Variants in AK5 observed in about 807,000 individuals in gnomAD.
AK5 encodes adenylate kinase isoenzyme 5.
Under a neutral mutation model 69.5 loss-of-function variants are expected in AK5, and 27 were observed. The ratio of observed to expected loss-of-function variants is 0.39; its 90% confidence interval spans 0.29 to 0.54. The LOEUF (loss-of-function observed/expected upper bound fraction) is 0.54. AK5 is among the 20% of genes least tolerant of loss of function. AK5 has a pLI of 0.71. For synonymous variants in AK5, 260 were observed against 244.4 expected (o/e 1.06, Z -0.60); for missense variants, 531 against 700.4 (o/e 0.76, Z 2.73).
chr1:77,506,195 T>C (rs1657012334), intron 10 of AK5, among the ~76,000 whole-genome samples: 1 of 151,166 alleles, frequency 6.6e-6, no homozygotes, highest in South Asian at 2.1e-4. Context: ...GACCTCTGGG[T>C]GAAGAAACAA....
chr1:77,307,785 G>A (rs565343056), intron 5 of AK5, among the ~76,000 whole-genome samples: 1 of 152,296 alleles, frequency 6.6e-6, no homozygotes, highest in South Asian at 2.1e-4. Flanking sequence ...CCACTTCCAG[G>A]GATGAGGGAG....
chr1:77,391,614 C>T (rs1342306687), intron 6 of AK5, among the ~76,000 whole-genome samples: 1 of 147,974 alleles, frequency 6.8e-6, no homozygotes, highest in Non-Finnish European at 1.5e-5. Flanking sequence ...ATAGGTGCTA[C>T]AAAAAAAAGA....
At chr1:77,368,241 A>T (rs1488684690) in intron 6 of AK5, among the ~76,000 whole-genome samples, 9 of 23,280 alleles carry the variant, frequency 3.9e-4, no homozygotes, top group African/African-American at 7.3e-4. Context: ...ATATATATAT[A>T]TATATATATA....
At chr1:77,534,344 G>C (rs1237995315) in intron 12 of AK5, among the ~76,000 whole-genome samples, 1 of 152,164 alleles carries the variant, frequency 6.6e-6, no homozygotes, top group Non-Finnish European at 1.5e-5. Context: ...GAGATGGGGA[G>C]ACTCATAACA....
intron 10 of AK5, among the ~76,000 whole-genome samples, chr1:77,499,869 C>CTT (rs749712310): frequency 0.019 from 1,475 of 78,760 alleles, 262 homozygotes; most frequent in Non-Finnish European, 0.02. Flanking sequence ...GCCCTTTTTC[C>CTT]ATTTTTTTTT....
chr1:77,491,274 T>A (rs917296367), intron 10 of AK5, among the ~76,000 whole-genome samples: 2 of 151,258 alleles, frequency 1.3e-5, no homozygotes, highest in Non-Finnish European at 2.9e-5. Context: ...CATTTCATTA[T>A]TGCCTTATTA....
intron 6 of AK5, chr1:77,349,291 A>T (rs1662074173): frequency 6.6e-6 from 1 of 151,428 alleles, no homozygotes; most frequent in African/African-American, 2.4e-5. Context: ...AATAAACATT[A>T]AAAAAAACTA....
chr1:77,316,173 G>A (rs1392106152), intron 5 of AK5, among the ~76,000 whole-genome samples: 1 of 152,072 alleles, frequency 6.6e-6, no homozygotes. Context: ...CATTCCTTCT[G>A]GCTTCTTGAG....
intron 6 of AK5, among the ~76,000 whole-genome samples, chr1:77,404,107 A>G (rs1016337143): frequency 2.0e-5 from 3 of 152,090 alleles, no homozygotes; most frequent in Non-Finnish European, 2.9e-5. Context: ...TTTGTCTGTT[A>G]TTGGTGTATA....
intron 10 of AK5, among the ~76,000 whole-genome samples, chr1:77,497,827 C>T (rs927898103): frequency 6.6e-6 from 1 of 152,182 alleles, no homozygotes; most frequent in Admixed American, 6.5e-5. Flanking sequence ...AGCCATCCAC[C>T]TGCCTTGGCC....
At chr1:77,557,078 C>T (rs571685853) in intron 13 of AK5, among the ~76,000 whole-genome samples, 2 of 152,158 alleles carry the variant, frequency 1.3e-5, no homozygotes, top group Admixed American at 6.5e-5. Flanking sequence ...CCCACATATA[C>T]ACCCTTAATC....
At chr1:77,444,160 TCTCA>T (rs149771882) in intron 8 of AK5, among the ~76,000 whole-genome samples, 61 of 137,790 alleles carry the variant, frequency 4.4e-4, no homozygotes, top group African/African-American at 1.1e-3. Context: ...TCTCTCTCTC[TCTCA>T]CTCTCTCTCT....
rs781195510 is a variant in AK5 at position 77,297,734 on chromosome 1, G to C, written c.585+6G>C. 6.2e-7 allele frequency: 1 copy of C among 1,609,500 alleles called. No homozygotes were observed. Among genetic ancestry groups the C allele is most frequent in the South Asian group, 1.1e-5 (1 of 90,028 alleles). On this transcript the variant is annotated splice_donor_region_variant and intron_variant, in intron 4 of 13. Transcript: ENST00000354567. The stretch of plus-strand genomic sequence containing the variant: ...CTGGAGAATTGGCCCCACAGGTACT[G>C]CTGTATAATTATCTTTTATTCTGCA...
intron 6 of AK5, among the ~76,000 whole-genome samples, chr1:77,365,787 T>C (rs911964436): frequency 2.6e-5 from 4 of 152,236 alleles, no homozygotes; most frequent in Non-Finnish European, 4.4e-5. Flanking sequence ...AGGACCAGTC[T>C]GTGGCCTGGG....
At chr1:77,402,618 C>A (rs921162843) in intron 6 of AK5, among the ~76,000 whole-genome samples, 31 of 152,172 alleles carry the variant, frequency 2.0e-4, no homozygotes, top group Non-Finnish European at 4.3e-4. Flanking sequence ...CTACAAAGGA[C>A]ACGAACTCAT....
At chr1:77,552,491 T>A (rs930603292) in intron 13 of AK5, among the ~76,000 whole-genome samples, 1 of 152,154 alleles carries the variant, frequency 6.6e-6, no homozygotes, top group Non-Finnish European at 1.5e-5. Flanking sequence ...TGCAGTGAAT[T>A]GCAACAAGTA....
chr1:77,406,058 T>C (rs1649606298), intron 6 of AK5, among the ~76,000 whole-genome samples: 1 of 151,992 alleles, frequency 6.6e-6, no homozygotes, highest in Admixed American at 6.6e-5. Context: ...CAAGGAAAAA[T>C]AGAAACAAAA....
chr1:77,528,652 A>G (rs1658414800), intron 12 of AK5, among the ~76,000 whole-genome samples: 1 of 152,236 alleles, frequency 6.6e-6, no homozygotes. Flanking sequence ...TTCAGTTTAC[A>G]GAATGATTAC....
At chr1:77,461,641 G>A (rs988102292) in intron 8 of AK5, among the ~76,000 whole-genome samples, 4 of 151,706 alleles carry the variant, frequency 2.6e-5, no homozygotes, top group Admixed American at 1.3e-4. Flanking sequence ...ATGGTGGTGC[G>A]CAACTGTAAT....
Sources: gnomAD v4.1 joint callset for allele counts (sites outside exome capture counted in the v4.1 genomes callset) on GRCh38, gnomAD v4.1.1 for gene constraint, MANE v1.5 for transcripts, NCBI Gene and HGNC (gene_info 2026-07-23, HGNC 2026-07-21) for gene names.